SMG1: variants seen among roughly 807,000 people sequenced by gnomAD.
SMG1 encodes the protein SMG1 nonsense mediated mRNA decay associated PI3K related kinase, also known as serine/threonine-protein kinase SMG1.
Under a neutral mutation model 419.9 loss-of-function variants are expected in SMG1, and 22 were observed. The ratio of observed to expected loss-of-function variants is 0.05; its 90% CI spans 0.04 to 0.07. The LOEUF is 0.07. SMG1 is among the 10% of genes least tolerant of loss of function. The pLI, the probability that SMG1 is intolerant of heterozygous loss-of-function variation, is 1.00. For missense variants in SMG1, 3,185 were observed against 4,342.0 expected (o/e 0.73, Z 7.49); for synonymous variants, 1,538 against 1,553.5 (o/e 0.99, Z 0.23).
chr16:18,898,537 T>C (rs1423737829), intron 1 of SMG1, among the ~76,000 whole-genome samples: 1 of 152,194 alleles, frequency 6.6e-6, no homozygotes, highest in Admixed American at 6.5e-5. Context: ...AAATAGCACA[T>C]TTAACATGCA....
rs539843022 is a variant in SMG1 at position 18,813,204 on chromosome 16, C to A, written c.10622-1077G>T. 4.0e-3 allele frequency among the ~76,000 whole-genome samples: 608 copies of A among 152,246 alleles called. 4 individuals are homozygous for A. The highest frequency in any genetic ancestry group is 0.013 in the African/African-American group (553 of 41,522). ...ATACCCAGTAATGGGATGGCTGGGTCAAATGGTATTTCTAGTTCTAGATCC... is the reference window on the plus strand; with the variant it reads ...ATACCCAGTAATGGGATGGCTGGGTAAAATGGTATTTCTAGTTCTAGATCC... On this transcript the variant is annotated intron_variant, in intron 60 of 62. Transcript: ENST00000446231.
At chr16:18,810,312 ATGAAT>A (rs370737754) in intron 62 of SMG1, among the ~76,000 whole-genome samples, 126 of 152,342 alleles carry the variant, frequency 8.3e-4, no homozygotes, top group African/African-American at 2.2e-3. Context: ...AAAATCTTGA[ATGAAT>A]TGAATTATGA....
chr16:18,854,957 A>G, intron 29 of SMG1, 53 bp from the exon 30 acceptor site: 1 of 1,546,590 alleles, frequency 6.5e-7, no homozygotes, highest in Non-Finnish European at 8.7e-7. Context: ...ACCAGACTGC[A>G]TGGAAACATG....
intron 1 of SMG1, among the ~76,000 whole-genome samples, chr16:18,922,053 C>T (rs2038219072): frequency 6.6e-6 from 1 of 152,230 alleles, no homozygotes; most frequent in Non-Finnish European, 1.5e-5. Context: ...TACTTGTTTT[C>T]TGTTGACTTG....
chr16:18,827,325 C>G (rs2032758295), intron 55 of SMG1, among the ~76,000 whole-genome samples: 2 of 151,604 alleles, frequency 1.3e-5, no homozygotes, highest in African/African-American at 4.9e-5. Flanking sequence ...ACTTCAGAGG[C>G]TGAGGCAGGA....
chr16:18,804,954 G>C lies in SMG1; in HGVS notation c.*4615C>G, dbSNP rs1200256057. The C allele has an allele frequency of 2.0e-5, 3 of 152,748 alleles. No homozygotes were observed. In the East Asian group the frequency reaches 5.8e-4, roughly 29 times the overall value. The allele number at this position is 152,748 out of a possible 1,614,324, so 9.5% of individuals were successfully genotyped here. ...ATATGCACAAAGTAGGCATGTATTT[G>C]TTTTCCAAAAGATGCATTATGAACA... is the stretch of plus-strand genomic sequence containing the variant. On this transcript the variant is annotated 3_prime_UTR_variant, in exon 63 of 63. Coordinates refer to ENST00000446231, the MANE Select transcript of SMG1 (RefSeq NM_015092.5).
intron 60 of SMG1, among the ~76,000 whole-genome samples, chr16:18,812,643 C>CAT (rs1555483957): frequency 3.7e-5 from 5 of 133,628 alleles, no homozygotes; most frequent in Non-Finnish European, 4.8e-5. Context: ...TATATATACA[C>CAT]ATATACACAC....
At chr16:18,862,789 C>A (rs2035280943) in intron 25 of SMG1, among the ~76,000 whole-genome samples, 1 of 152,194 alleles carries the variant, frequency 6.6e-6, no homozygotes, top group Admixed American at 6.5e-5. Context: ...CCAGCTACTT[C>A]TCTGCCCTTA....
intron 3 of SMG1, among the ~76,000 whole-genome samples, chr16:18,892,625 C>T (rs1345349822): frequency 1.3e-5 from 2 of 151,874 alleles, no homozygotes; most frequent in African/African-American, 2.4e-5. Flanking sequence ...CCCAGCTACT[C>T]GGGAGGCTGA....
intron 11 of SMG1, 181 bp downstream of exon 11, chr16:18,879,314 T>C (rs2141688259): frequency 1.7e-6 from 1 of 589,940 alleles, no homozygotes; most frequent in African/African-American, 1.9e-5. Context: ...GGGGTCTCAC[T>C]ACATTGCCCA....
rs2030799099 is a variant in SMG1 at position 18,806,035 on chromosome 16, A to G, written c.*3534T>C. 6.6e-6 allele frequency: 1 copy of G among 152,634 alleles called. No individual in the cohort carries two copies. Among genetic ancestry groups the G allele is most frequent in the African/African-American group, 2.4e-5 (1 of 41,452 alleles). The allele number at this position is 152,634 out of a possible 1,614,324, so 9.5% of individuals were successfully genotyped here. A position where few individuals can be genotyped will look rare whatever the true frequency, so the allele number is the denominator to read the frequency against. The stretch of plus-strand genomic sequence containing the variant: ...TAATTACAAAAATGTAGAGGAAAAT[A>G]GGCCCGGAAGACTTTGCAATTTAAA... On this transcript the variant is annotated 3_prime_UTR_variant, in exon 63 of 63. Coordinates refer to ENST00000446231, the MANE Select transcript of SMG1 (RefSeq NM_015092.5).
intron 1 of SMG1, among the ~76,000 whole-genome samples, chr16:18,923,337 G>C (rs1161842042): frequency 1.3e-5 from 2 of 152,114 alleles, no homozygotes; most frequent in African/African-American, 4.8e-5. Context: ...AAATCAACAA[G>C]TGTTGCTTTT....
At chr16:18,841,965 T>A (rs947367065) in intron 40 of SMG1, among the ~76,000 whole-genome samples, 171 bp from the exon 41 acceptor site, 4 of 152,180 alleles carry the variant, frequency 2.6e-5, no homozygotes, top group Non-Finnish European at 5.9e-5. Context: ...GATATTAGCA[T>A]TATTAGCTGT....
chr16:18,811,230 A>C (rs758205193), intron 62 of SMG1, among the ~76,000 whole-genome samples: 37 of 152,152 alleles, frequency 2.4e-4, no homozygotes, highest in Non-Finnish European at 4.4e-4. Flanking sequence ...CTTATGCCTT[A>C]TTATACACAT....
intron 6 of SMG1, among the ~76,000 whole-genome samples, chr16:18,887,885 G>A (rs1433841365): frequency 6.7e-6 from 1 of 148,708 alleles, no homozygotes; most frequent in East Asian, 2.0e-4. Flanking sequence ...GATCTTTTAG[G>A]CCAGGTGTGG....
chr16:18,864,040 G>A lies in SMG1; in HGVS notation c.3455C>T (p.Ala1152Val), dbSNP rs1402720145. The A allele has an allele frequency of 3.9e-6, 6 of 1,550,042 alleles. No homozygotes were observed. The Admixed American group carries it at 1.2e-4, about 30-fold the overall frequency. Residue 1152 changes from alanine to valine, a missense_variant, in exon 24 of 63, where the codon GCT becomes GTT. By Grantham distance (64) the Ala-to-Val change is moderately conservative (BLOSUM62 0). This residue lies in a region of SMG1 where 121 missense variants were observed against 125.4 expected (regional missense o/e 0.96). Coordinates refer to ENST00000446231, the MANE Select transcript of SMG1 (RefSeq NM_015092.5). ...FDKSVLTLANAGRNSASPKHS... is the reference protein window; with the variant it reads ...FDKSVLTLANVGRNSASPKHS... Reference sequence around the variant, plus strand: ...TTTCGGGCTGGCACTGTTACGCCCAGCATTGGCTAAGGTGAGCACCGATTT... The same window carrying A: ...TTTCGGGCTGGCACTGTTACGCCCAACATTGGCTAAGGTGAGCACCGATTT...
At chr16:18,885,478 G>A in intron 7 of SMG1, 63 bp downstream of exon 7, 1 of 1,582,162 alleles carries the variant, frequency 6.3e-7, no homozygotes, top group Non-Finnish European at 8.6e-7. Context: ...TGTTTCCTCA[G>A]ATCCTCACAC....
chr16:18,809,973 G>A (rs1343286240), intron 62 of SMG1, among the ~76,000 whole-genome samples: 1 of 150,986 alleles, frequency 6.6e-6, no homozygotes, highest in Non-Finnish European at 1.5e-5. Flanking sequence ...TGACAAAACG[G>A]TTTCTTAAAA....
At chr16:18,850,162 TAACTC>T in intron 34 of SMG1, 36 bp from the exon 35 acceptor site, 1 of 1,600,284 alleles carries the variant, frequency 6.2e-7, no homozygotes, top group Non-Finnish European at 8.5e-7. Flanking sequence ...AATAAGAAAA[TAACTC>T]AGAACACTAC....
Sources: allele counts gnomAD v4.1 joint callset (sites outside exome capture counted in the v4.1 genomes callset), GRCh38; gene constraint gnomAD v4.1.1; regional missense constraint gnomAD v4.1.1; transcripts MANE v1.5; gene names NCBI Gene and HGNC (gene_info 2026-07-23, HGNC 2026-07-21).